Variants in ARL15 observed in about 807,000 individuals in gnomAD.
The protein encoded by ARL15 is ADP-ribosylation factor-like protein 15.
In ARL15, 19 loss-of-function variants were observed where a neutral mutation model predicts 25.2. The observed-to-expected ratio is 0.75, with a 90% CI of 0.53 to 1.10. ARL15 has a LOEUF of 1.10. Ranked by LOEUF, ARL15 falls within the 50% of genes least tolerant of loss-of-function variation. ARL15 has a pLI of 0.00. For missense variants in ARL15, 220 were observed against 246.0 expected, an observed-to-expected ratio of 0.89 and a Z score of 0.71; for synonymous variants, 94 against 86.8, an observed-to-expected ratio of 1.08 and a Z score of -0.46.
At chr5:53,913,677 T>C (rs1745537458) in intron 4 of ARL15, among the ~76,000 whole-genome samples, 1 of 152,166 alleles carries the variant, frequency 6.6e-6, no homozygotes, top group Non-Finnish European at 1.5e-5. Context: ...AATTAGAATA[T>C]TAAAGTGTTC....
intron 4 of ARL15, among the ~76,000 whole-genome samples, chr5:53,907,811 T>C (rs1229327408): frequency 6.6e-6 from 1 of 152,016 alleles, no homozygotes; most frequent in African/African-American, 2.4e-5. Flanking sequence ...CCTTAATATA[T>C]TCTTACTCTC....
intron 4 of ARL15, among the ~76,000 whole-genome samples, chr5:53,889,810 G>GTTTTTTTTTTTTTTTTTTTTTTTTTTTT (rs35947755): frequency 7.4e-6 from 1 of 135,882 alleles, no homozygotes; most frequent in Non-Finnish European, 1.6e-5. Context: ...AGTTCTGACT[G>GTTTTTTTTTTTTTTTTTTTTTTTTTTTT]TTTTTTTTTT....
At chr5:54,252,285 G>A (rs1172235290) in intron 1 of ARL15, among the ~76,000 whole-genome samples, 1 of 152,184 alleles carries the variant, frequency 6.6e-6, no homozygotes, top group East Asian at 1.9e-4. Flanking sequence ...TTTCTTTATG[G>A]AAGAGACTGC....
chr5:54,190,126 T>A (rs1034663007), intron 1 of ARL15, among the ~76,000 whole-genome samples: 1 of 152,122 alleles, frequency 6.6e-6, no homozygotes, highest in African/African-American at 2.4e-5. Context: ...GTGTGGTGGC[T>A]CACGCCTGTA....
chr5:54,269,638 T>A (rs1037715030), intron 1 of ARL15, among the ~76,000 whole-genome samples: 10 of 152,184 alleles, frequency 6.6e-5, no homozygotes, highest in Non-Finnish European at 1.3e-4. Flanking sequence ...GAGGATTTTT[T>A]AATTTTTTTA....
intron 1 of ARL15, among the ~76,000 whole-genome samples, chr5:54,295,647 C>T (rs933938607): frequency 2.6e-5 from 4 of 152,108 alleles, no homozygotes; most frequent in Non-Finnish European, 4.4e-5. Flanking sequence ...ATAAAATATA[C>T]ATTTCTATAC....
chr5:54,136,001 C>T (rs1245284320), intron 3 of ARL15, among the ~76,000 whole-genome samples: 4 of 152,100 alleles, frequency 2.6e-5, no homozygotes, highest in African/African-American at 9.7e-5. Context: ...AAAACACTGC[C>T]TTGTCTCATG....
intron 1 of ARL15, among the ~76,000 whole-genome samples, chr5:54,249,193 A>T (rs906710850): frequency 6.6e-6 from 1 of 152,250 alleles, no homozygotes; most frequent in African/African-American, 2.4e-5. Flanking sequence ...AACTTGGCAG[A>T]CAGGATGCGG....
chr5:54,099,399 A>T (rs993477549), intron 4 of ARL15, among the ~76,000 whole-genome samples: 2 of 152,056 alleles, frequency 1.3e-5, no homozygotes, highest in South Asian at 4.1e-4. Flanking sequence ...TTAAAAAAAA[A>T]TTTCTGCCCG....
At chr5:53,912,237 A>T (rs1329407130) in intron 4 of ARL15, 3 of 152,168 alleles carry the variant, frequency 2.0e-5, no homozygotes, top group African/African-American at 7.2e-5. Context: ...ACCGAAGCTT[A>T]GACAGGTTAA....
At chr5:54,127,246 T>C (rs1753288375) in intron 3 of ARL15, among the ~76,000 whole-genome samples, 3 of 152,332 alleles carry the variant, frequency 2.0e-5, no homozygotes, top group South Asian at 2.1e-4. Flanking sequence ...TCTATCATTG[T>C]TGGATATTTG....
At chr5:54,275,867 T>TA (rs70986668) in intron 1 of ARL15, among the ~76,000 whole-genome samples, 1 of 149,410 alleles carries the variant, frequency 6.7e-6, no homozygotes, top group Non-Finnish European at 1.5e-5. Context: ...TTTTTTTTTT[T>TA]GTATTTTTGT....
intron 4 of ARL15, among the ~76,000 whole-genome samples, chr5:54,053,224 A>AAAACAACAACAACAAC (rs1440141124): frequency 5.3e-4 from 80 of 150,060 alleles, no homozygotes; most frequent in Admixed American, 5.3e-4. Flanking sequence ...TGCATCTCCA[A>AAAACAACAACAACAAC]AAACAACAAC....
intron 3 of ARL15, among the ~76,000 whole-genome samples, chr5:54,119,126 C>G (rs982779199): frequency 6.6e-6 from 1 of 152,148 alleles, no homozygotes; most frequent in African/African-American, 2.4e-5. Flanking sequence ...GACCTTCCAA[C>G]GGCTCTTTGC....
chr5:54,245,285 G>A (rs1270343955), intron 1 of ARL15, among the ~76,000 whole-genome samples: 1 of 152,194 alleles, frequency 6.6e-6, no homozygotes, highest in Non-Finnish European at 1.5e-5. Context: ...AATAGTATGT[G>A]TCAAACAAAT....
At chr5:54,031,888 A>G (rs1042388070) in intron 4 of ARL15, among the ~76,000 whole-genome samples, 3 of 152,214 alleles carry the variant, frequency 2.0e-5, no homozygotes, top group Non-Finnish European at 4.4e-5. Flanking sequence ...CGTTATATAG[A>G]AAGGAAAAAG....
chr5:53,927,293 G>C (rs7701382), intron 4 of ARL15, among the ~76,000 whole-genome samples: 14,259 of 152,108 alleles, frequency 0.094, 927 homozygotes, highest in East Asian at 0.34. Context: ...TTGCATGTCT[G>C]TCCATCTCAC....
At chr5:53,937,142 G>A (rs78872087) in intron 4 of ARL15, among the ~76,000 whole-genome samples, 13 of 152,120 alleles carry the variant, frequency 8.5e-5, no homozygotes, top group African/African-American at 1.2e-4. Flanking sequence ...CCGGAGGCTC[G>A]GTGTCAATGG....
chr5:54,033,184 A>G (rs965208246), intron 4 of ARL15, among the ~76,000 whole-genome samples: 1 of 151,822 alleles, frequency 6.6e-6, no homozygotes, highest in Non-Finnish European at 1.5e-5. Flanking sequence ...GTGGTGGCGC[A>G]TGACTGTAAT....
Sources: allele counts gnomAD v4.1 joint callset (sites outside exome capture counted in the v4.1 genomes callset), GRCh38; gene constraint gnomAD v4.1.1; transcripts MANE v1.5; gene names NCBI Gene and HGNC (gene_info 2026-07-23, HGNC 2026-07-21).